Variants in SIX2 observed in about 807,000 individuals in gnomAD.
SIX2 encodes SIX homeobox 2.
In SIX2, 20 loss-of-function variants were observed where a neutral mutation model predicts 22.8. The observed-to-expected ratio is 0.88, with a 90% CI of 0.62 to 1.28. The LOEUF (loss-of-function observed/expected upper bound fraction) is 1.28. Among genes scored for constraint, SIX2 ranks in the 50% most tolerant of loss-of-function variants. The pLI is 0.00. For synonymous variants in SIX2, 195 were observed against 186.4 expected (o/e 1.05, Z -0.37); for missense variants, 360 against 400.0 (o/e 0.90, Z 0.85).
At chr2:45,008,517 G>T in intron 1 of SIX2, 34 bp downstream of exon 1, 3 of 1,606,484 alleles carry the variant, frequency 1.9e-6, no homozygotes, top group Non-Finnish European at 1.7e-6. Flanking sequence ...GGGCCCCGGG[G>T]AGCTGGCGCC....
rs1667769981 is a variant in SIX2 at position 45,006,563 on chromosome 2, C to A, written c.561-78G>T. On this transcript the variant is annotated intron_variant, in intron 1 of 1. Transcript: ENST00000303077. This position sits in a 1 kb window ranked among gnomAD's most constrained non-coding sequence, Gnocchi z 4.2. The stretch of plus-strand genomic sequence containing the variant: ...AGCGCCATCTCAGTCACAGTCAGAG[C>A]CAGCCACCAGCCTCGGGAGACAGAT... 34 of 1,354,768 alleles carry A rather than the reference C, an allele frequency of 2.5e-5. No individual in the cohort carries two copies. The highest frequency in any genetic ancestry group is 3.4e-5 in the Admixed American group (2 of 59,566). The allele number at this position is 1,354,768 out of a possible 1,614,324, so 83.9% of individuals were successfully genotyped here. A position where few individuals can be genotyped will look rare whatever the true frequency, so the allele number is the denominator to read the frequency against.
rs1667738654 is a variant in SIX2, at chr2:45,005,706, C to A, written c.*464G>T. 1.4e-5 allele frequency: 4 copies of A among 281,964 alleles called. No individual in the cohort carries two copies. Among genetic ancestry groups the A allele is most frequent in the Non-Finnish European group, 2.7e-5 (4 of 146,010 alleles). The allele number at this position is 281,964 out of a possible 1,614,324, so 17.5% of individuals were successfully genotyped here. On this transcript the variant is annotated 3_prime_UTR_variant, in exon 2 of 2. Coordinates refer to ENST00000303077, the MANE Select transcript of SIX2 (RefSeq NM_016932.5). ...CTGGCAGGAGAGAAGAGAGGAGAAACAGAGAAGGAGAGAGAAAGGGAGAGA... is the reference window on the plus strand; with the variant it reads ...CTGGCAGGAGAGAAGAGAGGAGAAAAAGAGAAGGAGAGAGAAAGGGAGAGA...
Position 45,006,350 on chromosome 2 carries a change from G to A in SIX2, c.696C>T (p.Leu232=). 1 of 1,614,116 alleles carries A rather than the reference G, an allele frequency of 6.2e-7. No individual in the cohort carries two copies. The highest frequency in any genetic ancestry group is 8.5e-7 in the Non-Finnish European group (1 of 1,179,970). ...GCAGCCCAGGGGGCGGCGGGCTGAG[G>A]AGCAGTGCGGGGCTGGATGATGAGT... The part of the protein sequence containing the change: ...PDHSSSSPAL[L]LSPPPPGLPS... Residue 232 remains leucine (L), a synonymous_variant, in exon 2 of 2, where the codon CTC becomes CTT. Coordinates refer to ENST00000303077, the MANE Select transcript of SIX2 (RefSeq NM_016932.5). The surrounding 1 kb of genome is among the most constrained non-coding windows in gnomAD (Gnocchi z 4.2).
In SIX2 at chr2:45,006,567, C is replaced by G. The variant is rs1667770112; in HGVS notation, c.561-82G>C. 3.0e-6 allele frequency: 4 copies of G among 1,347,202 alleles called. No homozygotes were observed. Among genetic ancestry groups the G allele is most frequent in the East Asian group, 2.3e-5 (1 of 43,670 alleles). The allele number at this position is 1,347,202 out of a possible 1,614,324, so 83.5% of individuals were successfully genotyped here. A position where few individuals can be genotyped will look rare whatever the true frequency, so the allele number is the denominator to read the frequency against. On this transcript the variant is annotated intron_variant, in intron 1 of 1. Transcript: ENST00000303077. The surrounding 1 kb of genome is among the most constrained non-coding windows in gnomAD (Gnocchi z 4.2). ...CCATCTCAGTCACAGTCAGAGCCAG[C>G]CACCAGCCTCGGGAGACAGATCCCG... is the stretch of plus-strand genomic sequence containing the variant.
In SIX2 at chr2:45,006,592, G is replaced by T; in HGVS notation, c.561-107C>A. ...CCACCAGCCTCGGGAGACAGATCCC[G>T]GGCTTGTGGCCTGCGGGTGTTTTCG... is the stretch of plus-strand genomic sequence containing the variant. On this transcript the variant is annotated intron_variant, in intron 1 of 1. Transcript: ENST00000303077. This position sits in a 1 kb window ranked among gnomAD's most constrained non-coding sequence, Gnocchi z 4.2. 9.0e-7 allele frequency: 1 copy of T among 1,105,978 alleles called. No individual in the cohort carries two copies. The highest frequency in any genetic ancestry group is 1.4e-6 in the Non-Finnish European group (1 of 732,346). 68.5% of individuals were successfully genotyped at this position (1,105,978 alleles called of 1,614,324 possible).
intron 1 of SIX2, among the ~76,000 whole-genome samples, chr2:45,008,256 G>A (rs568102975): frequency 6.6e-6 from 1 of 152,380 alleles, no homozygotes; most frequent in East Asian, 1.9e-4. Flanking sequence ...GGGGATACAG[G>A]CCCACAGTTC....
Position 45,009,263 on chromosome 2 carries a change from C to G in SIX2, c.-153G>C, listed in dbSNP as rs1158022244. 1 of 467,556 alleles carries G rather than the reference C, an allele frequency of 2.1e-6. No homozygotes were observed. 29.0% of individuals were successfully genotyped at this position (467,556 alleles called of 1,614,324 possible). ...CCCCCGGTGAGCCCCGAGTCACTGC[C>G]GTACGTCCCCGCGCCGGCCGCGGGT... On this transcript the variant is annotated 5_prime_UTR_variant, in exon 1 of 2. Transcript: ENST00000303077.
rs1361185618 is a variant in SIX2 at position 45,005,403 on chromosome 2, G to T, written c.*767C>A. On this transcript the variant is annotated 3_prime_UTR_variant, in exon 2 of 2. Transcript: ENST00000303077. ...GAGAGAAGGAGGAGGGGCGTATGAC[G>T]AGGCGGCGTTTAGGGGCTTCTGTGG... The T allele has an allele frequency of 6.6e-6, 1 of 151,842 alleles. No homozygotes were observed. The highest frequency in any genetic ancestry group is 1.5e-5 in the Non-Finnish European group (1 of 68,000). 9.4% of individuals were successfully genotyped at this position (151,842 alleles called of 1,614,324 possible). A position where few individuals can be genotyped will look rare whatever the true frequency, so the allele number is the denominator to read the frequency against.
intron 1 of SIX2, 119 bp downstream of exon 1, chr2:45,008,432 G>T: frequency 9.4e-7 from 1 of 1,064,288 alleles, no homozygotes. Flanking sequence ...GGCTGCCGCT[G>T]GGCTGTGGCC....
chr2:45,006,604 T>A lies in SIX2; in HGVS notation c.561-119A>T. 4.1e-6 allele frequency: 4 copies of A among 978,162 alleles called. No individual in the cohort carries two copies. Among genetic ancestry groups the A allele is most frequent in the Non-Finnish European group, 6.5e-6 (4 of 619,584 alleles). 60.6% of individuals were successfully genotyped at this position (978,162 alleles called of 1,614,324 possible). On this transcript the variant is annotated intron_variant, in intron 1 of 1. Coordinates refer to ENST00000303077, the MANE Select transcript of SIX2 (RefSeq NM_016932.5). This position sits in a 1 kb window ranked among gnomAD's most constrained non-coding sequence, Gnocchi z 4.2. Reference sequence around the variant, plus strand: ...GGAGACAGATCCCGGGCTTGTGGCCTGCGGGTGTTTTCGGTTTCTACCATT... The same window carrying A: ...GGAGACAGATCCCGGGCTTGTGGCCAGCGGGTGTTTTCGGTTTCTACCATT...
rs781074095 is a variant in SIX2, at chr2:45,008,479, C to T, written c.560+72G>A. On this transcript the variant is annotated intron_variant, in intron 1 of 1. Transcript: ENST00000303077. ...CCCAGTTTAGGCCTCTCCGGGGGAC[C>T]GGCAGAAGCCCTGCGAACCCCTCCC... 3.0e-4 allele frequency: 461 copies of T among 1,526,818 alleles called. 1 individual carries two copies. The highest frequency in any genetic ancestry group is 3.8e-4 in the Non-Finnish European group (427 of 1,112,736). The allele number at this position is 1,526,818 out of a possible 1,614,324, so 94.6% of individuals were successfully genotyped here.
rs771722023 is a variant in SIX2, at chr2:45,006,253, C to A, written c.793G>T (p.Ala265Ser). The A allele has an allele frequency of 1.2e-6, 2 of 1,614,112 alleles. No homozygotes were observed. The highest frequency in any genetic ancestry group is 3.3e-5 in the Admixed American group (2 of 60,016). The change falls in exon 2 of 2, where the codon GCG (alanine) becomes TCG (serine). Residue 265 changes from alanine (A) to serine (S), a missense_variant. Transcript: ENST00000303077. This position sits in a 1 kb window ranked among gnomAD's most constrained non-coding sequence, Gnocchi z 4.2. ...VPVPVPGGGG[A>S]DPLQHHHGLQ... Reference sequence around the variant, plus strand: ...CCATGGTGGTGTTGCAGTGGGTCCGCTCCACCTCCGCCTGGCACCGGCACT... The same window carrying A: ...CCATGGTGGTGTTGCAGTGGGTCCGATCCACCTCCGCCTGGCACCGGCACT...
intron 1 of SIX2, 71 bp downstream of exon 1, chr2:45,008,480 G>A: frequency 2.0e-6 from 3 of 1,528,438 alleles, no homozygotes; most frequent in African/African-American, 1.4e-5. Flanking sequence ...CCGGGGGACC[G>A]GCAGAAGCCC....
rs1558440775 is a variant in SIX2 at position 45,008,716 on chromosome 2, T to A, written c.395A>T (p.Lys132Met). 1 of 1,614,080 alleles carries A rather than the reference T, an allele frequency of 6.2e-7. No individual in the cohort carries two copies. ...GCGCAGCACGCTGCGACTCTTTTCC[T>A]TGAAGCAGTAGCTGGTCTCCTCGCC... ...WDGEETSYCF[K>M]EKSRSVLREW... Residue 132 changes from lysine to methionine, a missense_variant, in exon 1 of 2, where the codon AAG (lysine) becomes ATG (methionine). Lys to Met is a moderately conservative substitution (Grantham distance 95, BLOSUM62 -1). Around this residue, in one of 3 missense-constraint regions of SIX2, gnomAD observed 235 missense variants for 231.9 expected, o/e 1.01. Coordinates refer to ENST00000303077, the MANE Select transcript of SIX2 (RefSeq NM_016932.5).
Position 45,006,125 on chromosome 2 carries a change from C to G in SIX2, c.*45G>C, listed in dbSNP as rs1053608184. ...CCCTGGACACCGCCACTCCACGTCC[C>G]CAGTGTCAAGTCACAAAAGGCAAGC... On this transcript the variant is annotated 3_prime_UTR_variant, in exon 2 of 2. Transcript: ENST00000303077. The surrounding 1 kb of genome is among the most constrained non-coding windows in gnomAD (Gnocchi z 4.2). The G allele has an allele frequency of 6.2e-7, 1 of 1,602,588 alleles. No homozygotes were observed. The highest frequency in any genetic ancestry group is 1.7e-5 in the Admixed American group (1 of 60,010).
Position 45,009,017 on chromosome 2 carries a change from G to A in SIX2, c.94C>T (p.Arg32Cys). 2 of 1,610,896 alleles carry A rather than the reference G, an allele frequency of 1.2e-6. No homozygotes were observed. The highest frequency in any genetic ancestry group is 1.7e-6 in the Non-Finnish European group (2 of 1,179,734). ...QQGGNIERLGRFLWSLPACEH... is the reference protein window; with the variant it reads ...QQGGNIERLGCFLWSLPACEH... The stretch of plus-strand genomic sequence containing the variant: ...CAGGCGGGCAGCGACCACAGGAAGC[G>A]GCCCAGCCGCTCGATGTTGCCGCCC... The change falls in exon 1 of 2, where the codon CGC (arginine) becomes TGC (cysteine). Residue 32 changes from arginine to cysteine, a missense_variant. Coordinates refer to ENST00000303077, the MANE Select transcript of SIX2 (RefSeq NM_016932.5).
Position 45,009,028 on chromosome 2 carries a change from T to G in SIX2, c.83A>C (p.Glu28Ala), listed in dbSNP as rs1477849344. The change falls in exon 1 of 2, where the codon GAG becomes GCG. Residue 28 changes from glutamate (E) to alanine (A), a missense_variant. Glu to Ala is a moderately radical substitution (Grantham distance 107). Transcript: ENST00000303077. ...CGACCACAGGAAGCGGCCCAGCCGC[T>G]CGATGTTGCCGCCCTGCTGCAGCAC... is the stretch of plus-strand genomic sequence containing the variant. ...CEVLQQGGNI[E>A]RLGRFLWSLP... is the part of the protein sequence containing the mutation. 1 of 1,610,200 alleles carries G rather than the reference T, an allele frequency of 6.2e-7. No homozygotes were observed. Among genetic ancestry groups the G allele is most frequent in the East Asian group, 2.2e-5 (1 of 44,836 alleles).
chr2:45,008,504 C>G, intron 1 of SIX2, 47 bp downstream of exon 1: 1 of 1,597,148 alleles, frequency 6.3e-7, no homozygotes, highest in Non-Finnish European at 8.5e-7. Context: ...GAACCCCTCC[C>G]TTGGGCCCCG....
chr2:45,008,618 T>G lies in SIX2; in HGVS notation c.493A>C (p.Thr165Pro). 6.2e-7 allele frequency: 1 copy of G among 1,614,034 alleles called. No homozygotes were observed. The highest frequency in any genetic ancestry group is 8.5e-7 in the Non-Finnish European group (1 of 1,179,962). ...RELAEATGLT[T>P]TQVSNWFKNR... The stretch of plus-strand genomic sequence containing the variant: ...TTGAACCAGTTGCTGACCTGTGTGG[T>G]GGTGAGGCCCGTGGCCTCCGCCAGC... Residue 165 changes from threonine to proline, a missense_variant, in exon 1 of 2, where the codon ACC (threonine) becomes CCC (proline). Thr to Pro is a conservative substitution (Grantham distance 38). Coordinates refer to ENST00000303077, the MANE Select transcript of SIX2 (RefSeq NM_016932.5).
Sources: allele counts gnomAD v4.1 joint callset (sites outside exome capture counted in the v4.1 genomes callset), GRCh38; gene constraint gnomAD v4.1.1; regional missense constraint gnomAD v4.1.1; non-coding constraint Gnocchi (gnomAD v3.1); transcripts MANE v1.5; gene names NCBI Gene and HGNC (gene_info 2026-07-23, HGNC 2026-07-21).